ANKRD55: variants seen among roughly 807,000 people sequenced by gnomAD.
The protein encoded by ANKRD55 is ankyrin repeat domain-containing protein 55.
ANKRD55 carries 41 observed loss-of-function variants against 60.6 expected under a neutral mutation model. The ratio of observed to expected loss-of-function variants is 0.68; its 90% confidence interval spans 0.53 to 0.88. ANKRD55 has a LOEUF of 0.88. ANKRD55 is among the 40% of genes least tolerant of loss of function. The pLI, the probability that ANKRD55 is intolerant of heterozygous loss-of-function variation, is 0.00. For synonymous variants in ANKRD55, 264 were observed against 290.3 expected, an observed-to-expected ratio of 0.91 and a Z score of 0.92; for missense variants, 732 against 767.6, an observed-to-expected ratio of 0.95 and a Z score of 0.55.
intron 2 of ANKRD55, among the ~76,000 whole-genome samples, chr5:56,226,243 C>T (rs1222534770): frequency 6.6e-6 from 1 of 152,088 alleles, no homozygotes; most frequent in Non-Finnish European, 1.5e-5. Context: ...AGGATTCCCT[C>T]TTTATTAAAT....
intron 4 of ANKRD55, among the ~76,000 whole-genome samples, chr5:56,175,131 G>A (rs1758711603): frequency 6.6e-6 from 1 of 152,176 alleles, no homozygotes; most frequent in African/African-American, 2.4e-5. Context: ...AGCACAAATA[G>A]AAAATGAAAA....
intron 1 of ANKRD55, 88 bp downstream of exon 1, chr5:56,233,153 C>T (rs562034919): frequency 1.5e-5 from 8 of 538,746 alleles, no homozygotes; most frequent in African/African-American, 9.5e-5. Flanking sequence ...ATCAGCTGTA[C>T]ATGGGCATAA....
chr5:56,200,190 G>A (rs1007638760), intron 2 of ANKRD55, among the ~76,000 whole-genome samples: 2 of 151,926 alleles, frequency 1.3e-5, no homozygotes, highest in African/African-American at 4.8e-5. Flanking sequence ...TAATACTAAG[G>A]GGGTACACAG....
chr5:56,149,660 A>T (rs186350), intron 6 of ANKRD55, among the ~76,000 whole-genome samples: 1 of 152,190 alleles, frequency 6.6e-6, no homozygotes, highest in African/African-American at 2.4e-5. Context: ...AAAATAAAAC[A>T]ATCTTCCTGT....
intron 6 of ANKRD55, among the ~76,000 whole-genome samples, chr5:56,149,213 T>C (rs1307204936): frequency 1.3e-5 from 2 of 152,130 alleles, no homozygotes. Flanking sequence ...CTAAACTGAG[T>C]AGATAGACGG....
rs531476862 is a variant in ANKRD55, at chr5:56,199,662, G to A, written c.59-16028C>T. Among the ~76,000 whole-genome samples, 9 of 151,908 alleles carry A rather than the reference G, an allele frequency of 5.9e-5. No individual in the cohort carries two copies. In the South Asian group the frequency reaches 1.0e-3, roughly 18 times the overall value. On this transcript the variant is annotated intron_variant, in intron 2 of 11. Coordinates refer to ENST00000341048, the MANE Select transcript of ANKRD55 (RefSeq NM_024669.3). ...TCCCAGCACTTTGGGAGGCCGAGGTGGGCGGATCACAAGGTCAGGAGATCG... is the reference window on the plus strand; with the variant it reads ...TCCCAGCACTTTGGGAGGCCGAGGTAGGCGGATCACAAGGTCAGGAGATCG...
chr5:56,186,565 T>C (rs768417744), intron 2 of ANKRD55, among the ~76,000 whole-genome samples: 2 of 152,240 alleles, frequency 1.3e-5, no homozygotes, highest in South Asian at 2.1e-4. Flanking sequence ...TAATTCTGTG[T>C]GCTTTTAGAA....
chr5:56,100,256 G>A lies in ANKRD55; in HGVS notation c.1772C>T (p.Pro591Leu). 1 of 1,614,134 alleles carries A rather than the reference G, an allele frequency of 6.2e-7. No individual in the cohort carries two copies. Among genetic ancestry groups the A allele is most frequent in the South Asian group, 1.1e-5 (1 of 91,078 alleles). Residue 591 changes from proline (P) to leucine (L), a missense_variant, in exon 12 of 12, where the codon CCA becomes CTA. By Grantham distance (98) the Pro-to-Leu change is moderately conservative. Coordinates refer to ENST00000341048, the MANE Select transcript of ANKRD55 (RefSeq NM_024669.3). ...LRTNRVLPAI[P>L]SQRRHSTAAE... Reference sequence around the variant, plus strand: ...TGCTGTGCTGTGTCTTCGTTGACTTGGAATTGCAGGAAGCACTCGGTTTGT... The same window carrying A: ...TGCTGTGCTGTGTCTTCGTTGACTTAGAATTGCAGGAAGCACTCGGTTTGT...
intron 6 of ANKRD55, chr5:56,156,898 A>G (rs1438292013): frequency 4.6e-5 from 7 of 152,216 alleles, no homozygotes. Flanking sequence ...GAGGCCTTTA[A>G]TCAGAAGGCT....
chr5:56,111,899 A>G, intron 9 of ANKRD55, 117 bp from the exon 10 acceptor site: 1 of 987,732 alleles, frequency 1.0e-6, no homozygotes. Context: ...GATCCTTCCT[A>G]GATACCTCCA....
chr5:56,216,961 T>C (rs1759827830), intron 2 of ANKRD55, among the ~76,000 whole-genome samples: 1 of 152,198 alleles, frequency 6.6e-6, no homozygotes, highest in African/African-American at 2.4e-5. Flanking sequence ...TAAAACAGCC[T>C]TCTATTGGGA....
chr5:56,196,042 T>C (rs1034483159), intron 2 of ANKRD55, among the ~76,000 whole-genome samples: 4 of 152,230 alleles, frequency 2.6e-5, no homozygotes, highest in Non-Finnish European at 4.4e-5. Context: ...GATTTGCTCA[T>C]AGGAAATGAA....
At chr5:56,160,776 T>C (rs1317020561) in intron 5 of ANKRD55, 1 of 152,222 alleles carries the variant, frequency 6.6e-6, no homozygotes, top group Non-Finnish European at 1.5e-5. Flanking sequence ...ATTCTCAGAT[T>C]CAGGCTCTTA....
chr5:56,189,310 C>CAAA lies in ANKRD55; in HGVS notation c.59-5679_59-5677dup, dbSNP rs201026805. ...TGGGCAACAGAGCGAGACTCTGTCT[C>CAAA]AAAAAAAAAAAAAAAAAATGTGGTA... On this transcript the variant is annotated intron_variant, in intron 2 of 11. Transcript: ENST00000341048. Among the ~76,000 whole-genome samples, 516 of 89,632 alleles carry CAAA rather than the reference C, an allele frequency of 5.8e-3. 3 individuals carry two copies. Among genetic ancestry groups the CAAA allele is most frequent in the African/African-American group, 0.016 (348 of 21,100 alleles). The allele number at this position is 89,632 out of a possible 152,430, so 58.8% of individuals were successfully genotyped here.
intron 4 of ANKRD55, among the ~76,000 whole-genome samples, chr5:56,174,876 A>G (rs1423245331): frequency 6.6e-6 from 1 of 151,588 alleles, no homozygotes; most frequent in Non-Finnish European, 1.5e-5. Flanking sequence ...TTTGTTCAAC[A>G]TGCAGACTCC....
chr5:56,154,543 A>G (rs2111782262), intron 6 of ANKRD55, among the ~76,000 whole-genome samples: 1 of 151,662 alleles, frequency 6.6e-6, no homozygotes, highest in Non-Finnish European at 1.5e-5. Context: ...AAAATAAATA[A>G]TTGGCAAAAA....
At chr5:56,130,633 A>G (rs1022061726) in intron 7 of ANKRD55, among the ~76,000 whole-genome samples, 2 of 152,226 alleles carry the variant, frequency 1.3e-5, no homozygotes, top group African/African-American at 4.8e-5. Context: ...CACAATATCT[A>G]CAGAGCAAGC....
chr5:56,210,685 T>C (rs375840809), intron 2 of ANKRD55, among the ~76,000 whole-genome samples: 7 of 152,270 alleles, frequency 4.6e-5, no homozygotes, highest in East Asian at 3.8e-4. Context: ...TTTGGTTTTG[T>C]TGGTAAAAAA....
At chr5:56,227,626 T>C (rs1760153094) in intron 2 of ANKRD55, among the ~76,000 whole-genome samples, 1 of 152,120 alleles carries the variant, frequency 6.6e-6, no homozygotes, top group East Asian at 1.9e-4. Context: ...TCTTTTTTTT[T>C]TTTTATTAAA....
Sources: allele counts gnomAD v4.1 joint callset (sites outside exome capture counted in the v4.1 genomes callset), GRCh38; gene constraint gnomAD v4.1.1; transcripts MANE v1.5; gene names NCBI Gene and HGNC (gene_info 2026-07-23, HGNC 2026-07-21).